The following SCRG1 variants were observed in gnomAD, a reference collection of about 807,000 sequenced individuals.
SCRG1 encodes scrapie-responsive protein 1.
Under a neutral mutation model 7.7 loss-of-function variants are expected in SCRG1, and 3 were observed. That is an observed-to-expected ratio of 0.39 (90% CI 0.18 to 1.01). The LOEUF is 1.01. SCRG1 is among the 50% of genes least tolerant of loss of function. SCRG1 has a pLI of 0.36. For missense variants in SCRG1, 110 were observed against 117.2 expected, an observed-to-expected ratio of 0.94 and a Z score of 0.28; for synonymous variants, 46 against 41.2, an observed-to-expected ratio of 1.12 and a Z score of -0.44.
the SCRG1 span, among the ~76,000 whole-genome samples, chr4:173,413,348 C>A: frequency 1.3e-5 from 2 of 152,118 alleles, no homozygotes; most frequent in African/African-American, 2.4e-5. Context: ...AAGGTGAGAA[C>A]GTGTGGAGAC....
the SCRG1 span, among the ~76,000 whole-genome samples, chr4:173,420,720 A>G: frequency 2.4e-4 from 36 of 152,054 alleles, no homozygotes; most frequent in Non-Finnish European, 4.6e-4. Flanking sequence ...AAAAAAAAAG[A>G]AAAGCAAATA....
At chr4:173,399,486 GTGTGTT>G (rs1739698823), upstream of SCRG1, 1 of 59,502 alleles carries the variant, frequency 1.7e-5, no homozygotes, top group African/African-American at 4.4e-5. Context: ...GTGTGTGTGT[GTGTGTT>G]TGTGTGTCTG....
the SCRG1 span, among the ~76,000 whole-genome samples, chr4:173,497,042 C>T: frequency 2.6e-5 from 4 of 152,074 alleles, no homozygotes; most frequent in East Asian, 1.9e-4. Flanking sequence ...GGAGGCAGAG[C>T]GTGCAGTGAG....
the SCRG1 span, among the ~76,000 whole-genome samples, chr4:173,518,054 T>C: frequency 2.8e-4 from 43 of 152,244 alleles, no homozygotes; most frequent in Non-Finnish European, 4.4e-5. Context: ...GAGGCTGCCC[T>C]AGTATCTTGA....
At chr4:173,390,918 A>G (rs1248511500) in intron 2 of SCRG1, among the ~76,000 whole-genome samples, 1 of 152,182 alleles carries the variant, frequency 6.6e-6, no homozygotes, top group East Asian at 1.9e-4. Flanking sequence ...GTGAGTTTAG[A>G]ATTTAATAGA....
At chr4:173,480,457 C>T in the SCRG1 span, among the ~76,000 whole-genome samples, 13 of 151,050 alleles carry the variant, frequency 8.6e-5, no homozygotes, top group East Asian at 1.9e-4. Flanking sequence ...AAAAGATGGA[C>T]GACATGACAA....
chr4:173,385,777 A>G lies in SCRG1; in HGVS notation c.*2564T>C, dbSNP rs930056535. The stretch of plus-strand genomic sequence containing the variant: ...TACTAAAAAGCCGTTGTTGTCTCAC[A>G]TATGTCCTTATGCTGATGTGTCATT... On this transcript the variant is annotated 3_prime_UTR_variant, in exon 3 of 3. Transcript: ENST00000296506. 2.6e-5 allele frequency: 4 copies of G among 152,064 alleles called. No individual in the cohort carries two copies. The highest frequency in any genetic ancestry group is 9.7e-5 in the African/African-American group (4 of 41,310). 9.4% of individuals were successfully genotyped at this position (152,064 alleles called of 1,614,324 possible).
the SCRG1 span, among the ~76,000 whole-genome samples, chr4:173,440,639 C>T: frequency 6.6e-6 from 1 of 152,196 alleles, no homozygotes; most frequent in African/African-American, 2.4e-5. Flanking sequence ...GGAGAGGGCT[C>T]TCTACTCATT....
the SCRG1 span, among the ~76,000 whole-genome samples, chr4:173,518,810 A>G: frequency 6.6e-6 from 1 of 152,068 alleles, no homozygotes; most frequent in African/African-American, 2.4e-5. Context: ...GAGCTGGGCC[A>G]AGGTATTCTC....
chr4:173,463,007 TCTC>T, the SCRG1 span, among the ~76,000 whole-genome samples: 2 of 151,696 alleles, frequency 1.3e-5, no homozygotes, highest in Admixed American at 6.6e-5. Flanking sequence ...CAGAAAATCA[TCTC>T]CACTAGAGGA....
intron 1 of SCRG1, among the ~76,000 whole-genome samples, chr4:173,405,305 A>T (rs1739872833): frequency 6.6e-6 from 1 of 152,252 alleles, no homozygotes; most frequent in Admixed American, 6.5e-5. Flanking sequence ...CCACAGAGTT[A>T]AAGTGCCATT....
chr4:173,480,840 T>C, the SCRG1 span, among the ~76,000 whole-genome samples: 1 of 152,068 alleles, frequency 6.6e-6, no homozygotes, highest in African/African-American at 2.4e-5. Context: ...AAAAAACAGA[T>C]GAAGCAAAGA....
At chr4:173,398,048 G>GT (rs1181631497) in intron 1 of SCRG1, among the ~76,000 whole-genome samples, 5 of 152,134 alleles carry the variant, frequency 3.3e-5, no homozygotes, top group Non-Finnish European at 2.9e-5. Context: ...GAAAATCACT[G>GT]TTTTTTTAAA....
the SCRG1 span, among the ~76,000 whole-genome samples, chr4:173,473,322 C>T: frequency 6.6e-6 from 1 of 152,226 alleles, no homozygotes; most frequent in Non-Finnish European, 1.5e-5. Context: ...CCTGACCACA[C>T]ATCGTATTAG....
chr4:173,442,588 T>C, the SCRG1 span, among the ~76,000 whole-genome samples: 1 of 152,198 alleles, frequency 6.6e-6, no homozygotes, highest in African/African-American at 2.4e-5. Flanking sequence ...TTCTATCCAT[T>C]TGTCTTAGTC....
the SCRG1 span, among the ~76,000 whole-genome samples, chr4:173,505,759 G>A: frequency 3.9e-5 from 6 of 152,200 alleles, no homozygotes; most frequent in East Asian, 1.9e-4. This position sits in a 1 kb window ranked among gnomAD's most constrained non-coding sequence, Gnocchi z 4.4. Context: ...GAGAAAGAAG[G>A]CGTGAAGCAA....
the SCRG1 span, among the ~76,000 whole-genome samples, chr4:173,430,015 A>G: frequency 6.6e-6 from 1 of 151,396 alleles, no homozygotes; most frequent in South Asian, 2.1e-4. Context: ...TTTTTTTGTC[A>G]GTATAATTAA....
chr4:173,464,712 C>T, the SCRG1 span, among the ~76,000 whole-genome samples: 1 of 152,132 alleles, frequency 6.6e-6, no homozygotes, highest in Non-Finnish European at 1.5e-5. Flanking sequence ...CTTGAAACCG[C>T]TAAATAACTC....
the SCRG1 span, among the ~76,000 whole-genome samples, chr4:173,444,424 C>T: frequency 1.3e-5 from 2 of 152,198 alleles, no homozygotes; most frequent in African/African-American, 4.8e-5. Flanking sequence ...GCTTTGCAGG[C>T]ACATGATCTC....
Sources: allele counts gnomAD v4.1 joint callset (sites outside exome capture counted in the v4.1 genomes callset), GRCh38; gene constraint gnomAD v4.1.1; non-coding constraint Gnocchi (gnomAD v3.1); transcripts MANE v1.5; gene names NCBI Gene and HGNC (gene_info 2026-07-23, HGNC 2026-07-21).